The following TENM3 variants were observed in gnomAD, a reference collection of about 807,000 sequenced individuals.
The protein encoded by TENM3 is teneurin-3.
In TENM3, 63 loss-of-function variants were observed where a neutral mutation model predicts 255.1. The ratio of observed to expected loss-of-function variants is 0.25; its 90% CI spans 0.20 to 0.30. The LOEUF is 0.30. Ranked by LOEUF, TENM3 falls within the 10% of genes least tolerant of loss-of-function variation. The probability of loss-of-function intolerance (pLI) is 1.00; values close to 1 mark genes in which losing one functional copy is unlikely to be tolerated. For synonymous variants in TENM3, 1,306 were observed against 1,322.3 expected, an observed-to-expected ratio of 0.99 and a Z score of 0.27; for missense variants, 2,929 against 3,461.1, an observed-to-expected ratio of 0.85 and a Z score of 3.86.
At chr4:182,372,059 T>G (rs1170529145) in intron 3 of TENM3, among the ~76,000 whole-genome samples, 1 of 152,232 alleles carries the variant, frequency 6.6e-6, no homozygotes, top group East Asian at 1.9e-4. Flanking sequence ...GTTATATAGA[T>G]AAATTATGCA....
the TENM3 span, among the ~76,000 whole-genome samples, chr4:181,967,243 G>C: frequency 6.6e-6 from 1 of 152,180 alleles, no homozygotes; most frequent in East Asian, 1.9e-4. Context: ...ACAGGAGAAT[G>C]AGGTCCAAAT....
chr4:182,642,403 G>A (rs1752393833), intron 5 of TENM3, among the ~76,000 whole-genome samples: 1 of 152,158 alleles, frequency 6.6e-6, no homozygotes, highest in South Asian at 2.1e-4. Flanking sequence ...CGCATCCATA[G>A]GTGTCTTACT....
At chr4:182,731,581 A>G (rs138295815) in intron 16 of TENM3, among the ~76,000 whole-genome samples, 3 of 152,082 alleles carry the variant, frequency 2.0e-5, no homozygotes, top group African/African-American at 7.2e-5. Context: ...AAATAATTCT[A>G]TAAGACCCTG....
the TENM3 span, among the ~76,000 whole-genome samples, chr4:181,721,440 C>CAAA: frequency 7.1e-6 from 1 of 141,280 alleles, no homozygotes; most frequent in Admixed American, 7.2e-5. Context: ...ACTAAAAATA[C>CAAA]AAAAAAAAAA....
the TENM3 span, among the ~76,000 whole-genome samples, chr4:181,806,876 A>G: frequency 1.3e-5 from 2 of 152,288 alleles, no homozygotes; most frequent in South Asian, 4.1e-4. Flanking sequence ...GATGGATCAT[A>G]TTTGTAACTG....
At chr4:182,136,062 G>A in the TENM3 span, among the ~76,000 whole-genome samples, 1 of 152,092 alleles carries the variant, frequency 6.6e-6, no homozygotes, top group African/African-American at 2.4e-5. Flanking sequence ...ATCAGTTGGA[G>A]CTTTACTACT....
At chr4:182,544,621 T>C (rs1410856428) in intron 3 of TENM3, among the ~76,000 whole-genome samples, 1 of 152,142 alleles carries the variant, frequency 6.6e-6, no homozygotes, top group Non-Finnish European at 1.5e-5. Flanking sequence ...GATTTTTAAA[T>C]AGGTAACCTC....
At chr4:181,464,751 G>A in the TENM3 span, among the ~76,000 whole-genome samples, 2 of 152,102 alleles carry the variant, frequency 1.3e-5, no homozygotes, top group African/African-American at 4.8e-5. Flanking sequence ...AGGAGTTTGA[G>A]ACCAGCCTGG....
chr4:181,457,725 A>T, the TENM3 span, among the ~76,000 whole-genome samples: 1 of 151,980 alleles, frequency 6.6e-6, no homozygotes, highest in Admixed American at 6.6e-5. Flanking sequence ...ACAAAGAAAA[A>T]AATCAAATAT....
At chr4:181,497,771 C>T in the TENM3 span, among the ~76,000 whole-genome samples, 9 of 152,152 alleles carry the variant, frequency 5.9e-5, no homozygotes, top group African/African-American at 2.2e-4. Flanking sequence ...CAAACTACTT[C>T]CCCACTTCTT....
At chr4:181,864,375 T>G in the TENM3 span, among the ~76,000 whole-genome samples, 2 of 152,020 alleles carry the variant, frequency 1.3e-5, no homozygotes, top group Non-Finnish European at 2.9e-5. Context: ...AGATTTCATT[T>G]TCACCCCGTC....
chr4:182,240,342 C>T (rs765121732), upstream of TENM3, among the ~76,000 whole-genome samples: 7 of 152,124 alleles, frequency 4.6e-5, no homozygotes, highest in African/African-American at 7.2e-5. Flanking sequence ...AGACACGTTC[C>T]TACGAGAGAC....
chr4:182,130,573 T>C, the TENM3 span, among the ~76,000 whole-genome samples: 1 of 152,104 alleles, frequency 6.6e-6, no homozygotes, highest in African/African-American at 2.4e-5. Context: ...CCTCAGTCAG[T>C]GTGCACATTT....
At chr4:181,879,702 G>A in the TENM3 span, among the ~76,000 whole-genome samples, 278 of 152,108 alleles carry the variant, frequency 1.8e-3, 2 homozygotes, top group African/African-American at 4.9e-3. Context: ...CTCATGGAAC[G>A]TTAGAGATCA....
At chr4:182,596,475 C>T (rs558492317) in intron 3 of TENM3, among the ~76,000 whole-genome samples, 12 of 150,190 alleles carry the variant, frequency 8.0e-5, no homozygotes, top group South Asian at 4.2e-4. Context: ...AAGGTGACTC[C>T]GAAGAAAGAT....
intron 13 of TENM3, 126 bp from the exon 14 acceptor site, chr4:182,728,839 T>A: frequency 1.4e-6 from 1 of 704,280 alleles, no homozygotes; most frequent in Non-Finnish European, 2.4e-6. Context: ...TCATAGAAAT[T>A]ACTATCAGAT....
chr4:181,933,135 C>T, the TENM3 span, among the ~76,000 whole-genome samples: 1 of 152,064 alleles, frequency 6.6e-6, no homozygotes, highest in Non-Finnish European at 1.5e-5. Flanking sequence ...GCACGTTCTG[C>T]ACATGTATCC....
At chr4:181,579,918 A>G in the TENM3 span, among the ~76,000 whole-genome samples, 2 of 151,608 alleles carry the variant, frequency 1.3e-5, no homozygotes, top group African/African-American at 4.9e-5. Context: ...ATGGTTCTCT[A>G]GGAGAAGTAC....
At chr4:182,287,623 A>ATTTTTATTTTTATTTATTTAT (rs1399450509) in intron 1 of TENM3, among the ~76,000 whole-genome samples, 6 of 144,142 alleles carry the variant, frequency 4.2e-5, no homozygotes, top group African/African-American at 1.5e-4. Flanking sequence ...TTATTTATTT[A>ATTTTTATTTTTATTTATTTAT]TTTTTTTTGA....
Sources: allele counts gnomAD v4.1 joint callset (sites outside exome capture counted in the v4.1 genomes callset), GRCh38; gene constraint gnomAD v4.1.1; transcripts MANE v1.5; gene names NCBI Gene and HGNC (gene_info 2026-07-23, HGNC 2026-07-21).